GRAMD2B: variants seen among roughly 807,000 people sequenced by gnomAD.
GRAMD2B encodes GRAM domain containing 2B, also known as GRAM domain-containing protein 2B.
A neutral mutation model predicts 59.2 loss-of-function variants in GRAMD2B; 41 were observed. That is an observed-to-expected ratio of 0.69 (90% confidence interval 0.54 to 0.90). The LOEUF is 0.90. Ranked by LOEUF, GRAMD2B falls within the 40% of genes least tolerant of loss-of-function variation. The probability of loss-of-function intolerance (pLI) is 0.00; values close to 1 mark genes in which losing one functional copy is unlikely to be tolerated. For synonymous variants in GRAMD2B, 161 were observed against 182.7 expected (o/e 0.88, Z 0.96); for missense variants, 424 against 500.5 (o/e 0.85, Z 1.46).
chr5:126,465,494 C>T lies in GRAMD2B; in HGVS notation c.152C>T (p.Thr51Ile). 1 of 1,614,142 alleles carries T rather than the reference C, an allele frequency of 6.2e-7. No individual in the cohort carries two copies. The highest frequency in any genetic ancestry group is 8.5e-7 in the Non-Finnish European group (1 of 1,180,014). The change falls in exon 2 of 14, where the codon ACC (threonine) becomes ATC (isoleucine). Residue 51 changes from threonine (T) to isoleucine (I), a missense_variant. Physicochemically the swap from Thr to Ile is moderately conservative, Grantham distance 89. Transcript: ENST00000285689. The stretch of plus-strand genomic sequence containing the variant: ...AGGTCGCCAACAGCCCAATCCCCTA[C>T]CCCATCTGTGGAGGCGGACTCCCCA... Reference protein sequence around the residue: ...ACRSPTAQSPTPSVEADSPDQ... With the variant: ...ACRSPTAQSPIPSVEADSPDQ...
intron 1 of GRAMD2B, among the ~76,000 whole-genome samples, chr5:126,409,612 C>A (rs183396116): frequency 1.3e-4 from 19 of 151,932 alleles, no homozygotes; most frequent in African/African-American, 4.6e-4. Flanking sequence ...GAGTAGGTTG[C>A]GAAAATTTTC....
intron 1 of GRAMD2B, among the ~76,000 whole-genome samples, chr5:126,394,861 T>C (rs533066600): frequency 2.0e-5 from 3 of 152,354 alleles, no homozygotes; most frequent in African/African-American, 7.2e-5. Flanking sequence ...AAATATGTTT[T>C]TTTTCTGTCC....
At chr5:126,474,434 C>T (rs1038153114) in intron 5 of GRAMD2B, among the ~76,000 whole-genome samples, 11 of 152,034 alleles carry the variant, frequency 7.2e-5, no homozygotes, top group Admixed American at 2.0e-4. Flanking sequence ...GATTTTTTAT[C>T]ATATAGAGCT....
At chr5:126,374,630 T>C (rs1755034196) in intron 1 of GRAMD2B, among the ~76,000 whole-genome samples, 1 of 152,226 alleles carries the variant, frequency 6.6e-6, no homozygotes, top group Non-Finnish European at 1.5e-5. Context: ...CTTAAGAACA[T>C]ATGTATTTTC....
At chr5:126,467,391 A>G (rs1156553372) in intron 2 of GRAMD2B, 2 of 152,130 alleles carry the variant, frequency 1.3e-5, no homozygotes, top group Non-Finnish European at 2.9e-5. Flanking sequence ...GGAAGTGAGA[A>G]TAACAGGGTT....
At chr5:126,480,729 C>G (rs1409225635) in intron 8 of GRAMD2B, 22 bp downstream of exon 8, 1 of 1,592,496 alleles carries the variant, frequency 6.3e-7, no homozygotes, top group African/African-American at 1.3e-5. Flanking sequence ...ACATAACTAT[C>G]TAAATGCAAA....
chr5:126,482,361 T>G (rs1018074614), intron 8 of GRAMD2B, among the ~76,000 whole-genome samples: 1 of 152,210 alleles, frequency 6.6e-6, no homozygotes, highest in East Asian at 1.9e-4. Context: ...AAAATCTACC[T>G]TGAAAAACAG....
At position 126,477,659 on chromosome 5, in the gene GRAMD2B, T is replaced by G. The variant is rs576832357; in HGVS notation, c.487-33T>G. 15 of 1,143,736 alleles carry G rather than the reference T, an allele frequency of 1.3e-5. No individual in the cohort carries two copies. The South Asian group carries it at 1.8e-4, about 14-fold the overall frequency. The allele number at this position is 1,143,736 out of a possible 1,614,324, so 70.8% of individuals were successfully genotyped here. A position where few individuals can be genotyped will look rare whatever the true frequency, so the allele number is the denominator to read the frequency against. ...ATTTGAAGTGCTGTTCTGTCAAGTC[T>G]GAACTGGCATTAACTTGCTGATTCT... On this transcript the variant is annotated intron_variant, in intron 5 of 13. Transcript: ENST00000285689.
intron 1 of GRAMD2B, among the ~76,000 whole-genome samples, chr5:126,378,083 A>G (rs1277971993): frequency 1.3e-5 from 2 of 152,138 alleles, no homozygotes; most frequent in Non-Finnish European, 2.9e-5. Flanking sequence ...TCTTGTGTTT[A>G]TAAGGCACAA....
At chr5:126,449,064 C>T (rs1470742219) in intron 1 of GRAMD2B, among the ~76,000 whole-genome samples, 1 of 152,114 alleles carries the variant, frequency 6.6e-6, no homozygotes, top group South Asian at 2.1e-4. Flanking sequence ...GATGTGTTTT[C>T]CAAAGCGATG....
intron 1 of GRAMD2B, among the ~76,000 whole-genome samples, chr5:126,408,344 C>T (rs1164355185): frequency 6.6e-6 from 1 of 151,974 alleles, no homozygotes; most frequent in East Asian, 1.9e-4. Flanking sequence ...TTTATCCAGT[C>T]CACCATTAAT....
At position 126,491,427 on chromosome 5, in the gene GRAMD2B, T is replaced by C. The variant is rs73338080; in HGVS notation, c.1258-1488T>C. Among the ~76,000 whole-genome samples the C allele has an allele frequency of 6.0e-3, 909 of 152,314 alleles. 9 individuals are homozygous for C. Among genetic ancestry groups the C allele is most frequent in the African/African-American group, 0.02 (822 of 41,574 alleles). On this transcript the variant is annotated intron_variant, in intron 13 of 13. Coordinates refer to ENST00000285689, the MANE Select transcript of GRAMD2B (RefSeq NM_023927.4). ...GAGCATAAATGTTGGAGTCAGGCCT[T>C]TGTTCTTATCCCTGCTCCACTGCTT...
At chr5:126,360,870 G>A (rs764200281) in intron 1 of GRAMD2B, among the ~76,000 whole-genome samples, 21 of 152,114 alleles carry the variant, frequency 1.4e-4, no homozygotes, top group Non-Finnish European at 2.6e-4. Context: ...AGGAAAACTA[G>A]GATTATAAGA....
chr5:126,446,784 A>G (rs752294447), intron 1 of GRAMD2B, among the ~76,000 whole-genome samples: 5 of 151,956 alleles, frequency 3.3e-5, no homozygotes, highest in Non-Finnish European at 7.4e-5. Flanking sequence ...TGAAGATGCC[A>G]CTCCCAGAAA....
At chr5:126,435,970 G>A in intron 1 of GRAMD2B, among the ~76,000 whole-genome samples, 1 of 152,142 alleles carries the variant, frequency 6.6e-6, no homozygotes, top group East Asian at 1.9e-4. Context: ...AGTGCCTTCT[G>A]GACTGGTCAT....
intron 1 of GRAMD2B, among the ~76,000 whole-genome samples, chr5:126,384,518 A>G (rs1161104708): frequency 6.6e-6 from 1 of 152,260 alleles, no homozygotes; most frequent in Non-Finnish European, 1.5e-5. Flanking sequence ...GCAGGGTAAT[A>G]TTCCATGAGG....
intron 1 of GRAMD2B, among the ~76,000 whole-genome samples, chr5:126,461,462 G>T (rs1767349256): frequency 1.3e-5 from 2 of 152,178 alleles, no homozygotes; most frequent in African/African-American, 2.4e-5. Context: ...ACAGTGTGTG[G>T]CAGTGTTTTA....
intron 1 of GRAMD2B, among the ~76,000 whole-genome samples, chr5:126,373,064 G>C (rs1038314765): frequency 6.6e-6 from 1 of 152,022 alleles, no homozygotes; most frequent in Non-Finnish European, 1.5e-5. Context: ...TGCAAAAAAA[G>C]CTCCAGCCTA....
At chr5:126,419,922 G>A (rs567729671), upstream of GRAMD2B, among the ~76,000 whole-genome samples, 337 of 152,082 alleles carry the variant, frequency 2.2e-3, 1 homozygote, top group African/African-American at 7.8e-3. Flanking sequence ...GGGCGTGGTG[G>A]TGTGTGCCTG....
Sources: gnomAD v4.1 joint callset for allele counts (sites outside exome capture counted in the v4.1 genomes callset) on GRCh38, gnomAD v4.1.1 for gene constraint, MANE v1.5 for transcripts, NCBI Gene and HGNC (gene_info 2026-07-23, HGNC 2026-07-21) for gene names.